The following ANKRD11 variants were observed in gnomAD, a reference collection of about 807,000 sequenced individuals.
The protein encoded by ANKRD11 is ankyrin repeat domain-containing protein 11.
In ANKRD11, 17 loss-of-function variants were observed where a neutral mutation model predicts 195.7. The observed-to-expected ratio is 0.09, with a 90% CI of 0.06 to 0.13. The LOEUF (loss-of-function observed/expected upper bound fraction) is 0.13, where lower values mean the gene tolerates loss of function less well. ANKRD11 is among the 10% of genes least tolerant of loss of function. The pLI, the probability that ANKRD11 is intolerant of heterozygous loss-of-function variation, is 1.00. For synonymous variants in ANKRD11, 1,953 were observed against 1,528.1 expected (o/e 1.28, Z -6.49); for missense variants, 3,735 against 3,566.1 (o/e 1.05, Z -1.21).
At chr16:89,341,076 T>G (rs2038632490) in intron 2 of ANKRD11, among the ~76,000 whole-genome samples, 2 of 152,184 alleles carry the variant, frequency 1.3e-5, no homozygotes, top group Admixed American at 1.3e-4. Flanking sequence ...AGGAAAAAAT[T>G]AATAAGTCAT....
rs561404796 is a variant in ANKRD11 at position 89,279,691 on chromosome 16, G to A, written c.6851C>T (p.Ala2284Val). 23 of 1,500,256 alleles carry A rather than the reference G, an allele frequency of 1.5e-5. No homozygotes were observed. The highest frequency in any genetic ancestry group is 2.0e-5 in the Non-Finnish European group (23 of 1,128,144). 92.9% of individuals were successfully genotyped at this position (1,500,256 alleles called of 1,614,324 possible). Residue 2284 changes from alanine to valine, a missense_variant, in exon 9 of 13, where the codon GCC becomes GTC. By Grantham distance (64) the Ala-to-Val change is moderately conservative (BLOSUM62 0). Coordinates refer to ENST00000301030, the MANE Select transcript of ANKRD11 (RefSeq NM_013275.6). This position sits in a 1 kb window ranked among gnomAD's most constrained non-coding sequence, Gnocchi z 5.6. ...PAPNTVAQAQ[A>V]ADGAGPEDDT... is the part of the protein sequence containing the mutation. ...GTCCTCGGGGCCGGCACCGTCTGCG[G>A]CCTGAGCTTGTGCCACAGTGTTCGG...
chr16:89,490,457 TC>T lies in ANKRD11; in HGVS notation c.-358del. 1 of 378,356 alleles carries T rather than the reference TC, an allele frequency of 2.6e-6. No homozygotes were observed. The allele number at this position is 378,356 out of a possible 1,614,324, so 23.4% of individuals were successfully genotyped here. A position where few individuals can be genotyped will look rare whatever the true frequency, so the allele number is the denominator to read the frequency against. On this transcript the variant is annotated 5_prime_UTR_variant, in exon 1 of 13. Coordinates refer to ENST00000301030, the MANE Select transcript of ANKRD11 (RefSeq NM_013275.6). ...CCACGGCTCGGGCGAGAGCCGCGGC[TC>T]CCGGTGCGGACGCTACTGATGGGGC...
At chr16:89,387,221 T>G (rs2040952025) in intron 2 of ANKRD11, among the ~76,000 whole-genome samples, 3 of 145,740 alleles carry the variant, frequency 2.1e-5, no homozygotes, top group African/African-American at 2.5e-5. Context: ...AGATCTGGAG[T>G]GCCAAGTTAA....
At chr16:89,475,355 G>A (rs2057221113) in intron 1 of ANKRD11, among the ~76,000 whole-genome samples, 1 of 152,162 alleles carries the variant, frequency 6.6e-6, no homozygotes, top group African/African-American at 2.4e-5. Flanking sequence ...CTCATCACCA[G>A]GTGACTGCTG....
chr16:89,463,112 G>A (rs1305663042), intron 1 of ANKRD11, among the ~76,000 whole-genome samples: 2 of 148,360 alleles, frequency 1.3e-5, no homozygotes, highest in Non-Finnish European at 3.0e-5. Context: ...GCCTCTGCCC[G>A]GCCGCCCCTA....
At position 89,279,420 on chromosome 16, in the gene ANKRD11, G is replaced by A. The variant is rs2033964542; in HGVS notation, c.7122C>T (p.Ser2374=). 5 of 1,527,754 alleles carry A rather than the reference G, an allele frequency of 3.3e-6. No homozygotes were observed. The highest frequency in any genetic ancestry group is 2.5e-5 in the East Asian group (1 of 40,806). The allele number at this position is 1,527,754 out of a possible 1,614,324, so 94.6% of individuals were successfully genotyped here. A position where few individuals can be genotyped will look rare whatever the true frequency, so the allele number is the denominator to read the frequency against. The change falls in exon 9 of 13, where the codon TCC becomes TCT. Residue 2374 remains serine, a synonymous_variant. Transcript: ENST00000301030. This position sits in a 1 kb window ranked among gnomAD's most constrained non-coding sequence, Gnocchi z 5.6. ...APVTRAKARG[S]EDDDAQAQHP... is the part of the protein sequence containing the mutation. ...GCTGGGCCTGGGCGTCGTCGTCCTC[G>A]GAGCCGCGGGCCTTGGCCCTGGTGA...
At chr16:89,316,864 G>C in intron 3 of ANKRD11, 69 bp downstream of exon 3, 1 of 1,552,068 alleles carries the variant, frequency 6.4e-7, no homozygotes, top group South Asian at 1.2e-5. Flanking sequence ...CAGGCGGGCA[G>C]CACCCCATTC....
At chr16:89,427,349 T>C (rs1175186161) in intron 1 of ANKRD11, among the ~76,000 whole-genome samples, 1 of 152,200 alleles carries the variant, frequency 6.6e-6, no homozygotes, top group African/African-American at 2.4e-5. Flanking sequence ...CAGGGTGACC[T>C]GATGATTCAG....
rs148456472 is a variant in ANKRD11 at position 89,324,611 on chromosome 16, T to A, written c.-59-7533A>T. Reference sequence around the variant, plus strand: ...TCTCATCAGCTGCCAGCACGGCAGATCTGCGGAAGCACTGGACTGGCTGAG... The same window carrying A: ...TCTCATCAGCTGCCAGCACGGCAGAACTGCGGAAGCACTGGACTGGCTGAG... On this transcript the variant is annotated intron_variant, in intron 2 of 12. Coordinates refer to ENST00000301030, the MANE Select transcript of ANKRD11 (RefSeq NM_013275.6). 824 of 433,264 alleles carry A rather than the reference T, an allele frequency of 1.9e-3. 6 individuals carry two copies. The highest frequency in any genetic ancestry group is 0.016 in the African/African-American group (770 of 49,636). 26.8% of individuals were successfully genotyped at this position (433,264 alleles called of 1,614,324 possible).
chr16:89,319,300 T>C (rs138352851), intron 2 of ANKRD11, among the ~76,000 whole-genome samples: 2 of 152,364 alleles, frequency 1.3e-5, no homozygotes, highest in East Asian at 1.9e-4. Flanking sequence ...ATTCTCTTCA[T>C]GTCCCTAGCT....
At chr16:89,269,780 G>C (rs1023667823) in intron 12 of ANKRD11, among the ~76,000 whole-genome samples, 35 of 152,046 alleles carry the variant, frequency 2.3e-4, no homozygotes, top group Non-Finnish European at 7.4e-5. Context: ...ATTTTTACTA[G>C]AGACGAGGTT....
chr16:89,454,502 A>G (rs1012803360), intron 1 of ANKRD11, among the ~76,000 whole-genome samples: 15 of 152,168 alleles, frequency 9.9e-5, no homozygotes, highest in African/African-American at 3.1e-4. Context: ...ATTAATGCCA[A>G]TTTTCTCCTT....
chr16:89,305,196 G>A lies in ANKRD11; in HGVS notation c.226+10C>T, dbSNP rs780110488. 38 of 1,610,324 alleles carry A rather than the reference G, an allele frequency of 2.4e-5. No individual in the cohort carries two copies. The highest frequency in any genetic ancestry group is 5.3e-5 in the African/African-American group (4 of 74,860). ...GAGGGCTGACTGCAGGAGGGGCCGC[G>A]GGCTGGTACCTGTGTCCGAGTCCTT... On this transcript the variant is annotated intron_variant, in intron 4 of 12. Coordinates refer to ENST00000301030, the MANE Select transcript of ANKRD11 (RefSeq NM_013275.6).
chr16:89,455,630 T>A (rs916695831), intron 1 of ANKRD11, among the ~76,000 whole-genome samples: 1 of 152,072 alleles, frequency 6.6e-6, no homozygotes, highest in South Asian at 2.1e-4. Flanking sequence ...ATGAAAAAGC[T>A]GCTCGATTTG....
At chr16:89,352,520 AAC>A (rs1378306369) in intron 2 of ANKRD11, among the ~76,000 whole-genome samples, 1 of 152,162 alleles carries the variant, frequency 6.6e-6, no homozygotes, top group Non-Finnish European at 1.5e-5. Flanking sequence ...TGGCAAGCTC[AAC>A]ACAGTGAGCG....
intron 2 of ANKRD11, among the ~76,000 whole-genome samples, chr16:89,394,057 G>A (rs567519532): frequency 3.9e-5 from 6 of 152,130 alleles, no homozygotes; most frequent in Non-Finnish European, 7.4e-5. Flanking sequence ...AGCTCACAGG[G>A]TGCTCCTCCC....
At chr16:89,383,240 T>C (rs1055230163) in intron 2 of ANKRD11, among the ~76,000 whole-genome samples, 1 of 152,226 alleles carries the variant, frequency 6.6e-6, no homozygotes, top group Non-Finnish European at 1.5e-5. Flanking sequence ...AGTGTTCAGC[T>C]GGCTGAAAGC....
chr16:89,438,785 T>G (rs1021717308), intron 1 of ANKRD11, among the ~76,000 whole-genome samples: 1 of 152,134 alleles, frequency 6.6e-6, no homozygotes, highest in African/African-American at 2.4e-5. Context: ...GTGGGAGGAC[T>G]GCTTGATCCC....
intron 2 of ANKRD11, among the ~76,000 whole-genome samples, chr16:89,353,325 G>C (rs2039308525): frequency 6.6e-6 from 1 of 151,532 alleles, no homozygotes; most frequent in Non-Finnish European, 1.5e-5. Flanking sequence ...CTGGGTGACA[G>C]AGTGAGACTC....
Sources: gnomAD v4.1 joint callset for allele counts (sites outside exome capture counted in the v4.1 genomes callset) on GRCh38, gnomAD v4.1.1 for gene constraint, Gnocchi (gnomAD v3.1) non-coding constraint, MANE v1.5 for transcripts, NCBI Gene and HGNC (gene_info 2026-07-23, HGNC 2026-07-21) for gene names.